ATRNL1: variants seen among roughly 807,000 people sequenced by gnomAD.
The protein encoded by ATRNL1 is attractin like 1.
Under a neutral mutation model 182.7 loss-of-function variants are expected in ATRNL1, and 95 were observed. That is an observed-to-expected ratio of 0.52 (90% CI 0.44 to 0.62). The LOEUF (loss-of-function observed/expected upper bound fraction) is 0.62, where lower values mean the gene tolerates loss of function less well. Ranked by LOEUF, ATRNL1 falls within the 20% of genes least tolerant of loss-of-function variation. The pLI is 0.00. For synonymous variants in ATRNL1, 576 were observed against 568.3 expected, an observed-to-expected ratio of 1.01 and a Z score of -0.19; for missense variants, 1,471 against 1,679.5, an observed-to-expected ratio of 0.88 and a Z score of 2.17.
At chr10:115,474,635 T>C (rs1848451306) in intron 24 of ATRNL1, among the ~76,000 whole-genome samples, 1 of 151,288 alleles carries the variant, frequency 6.6e-6, no homozygotes, top group Non-Finnish European at 1.5e-5. Context: ...GTGTTAGGAC[T>C]CTTCACTGTC....
At chr10:115,295,920 A>G (rs1853163733) in intron 15 of ATRNL1, among the ~76,000 whole-genome samples, 2 of 152,102 alleles carry the variant, frequency 1.3e-5, no homozygotes, top group Non-Finnish European at 2.9e-5. Context: ...CACTTGAGCA[A>G]GGTACACTCC....
chr10:115,373,228 A>T (rs1296708038), intron 19 of ATRNL1, among the ~76,000 whole-genome samples: 1 of 152,056 alleles, frequency 6.6e-6, no homozygotes, highest in Admixed American at 6.6e-5. Context: ...ATCCTGGAAC[A>T]TTCATGAATT....
At chr10:115,756,525 G>A (rs1948594077) in intron 27 of ATRNL1, among the ~76,000 whole-genome samples, 1 of 152,156 alleles carries the variant, frequency 6.6e-6, no homozygotes, top group Non-Finnish European at 1.5e-5. Flanking sequence ...TATGGTCTCA[G>A]AAACTGTTTG....
At chr10:115,109,444 G>A (rs1844166647) in intron 1 of ATRNL1, among the ~76,000 whole-genome samples, 1 of 152,212 alleles carries the variant, frequency 6.6e-6, no homozygotes, top group South Asian at 2.1e-4. Context: ...AGAGGGTGAA[G>A]AGAGAAAGAG....
At chr10:115,462,332 G>A (rs906456860) in intron 22 of ATRNL1, among the ~76,000 whole-genome samples, 40 of 151,994 alleles carry the variant, frequency 2.6e-4, no homozygotes, top group African/African-American at 9.7e-4. Context: ...AATAAAACTC[G>A]TTCGGGCGCA....
At chr10:115,701,768 A>G (rs543098036) in intron 26 of ATRNL1, among the ~76,000 whole-genome samples, 71 of 152,188 alleles carry the variant, frequency 4.7e-4, no homozygotes, top group Admixed American at 8.5e-4. Context: ...GAAATCCTGA[A>G]CAGACCAATA....
chr10:115,297,647 TC>T (rs1354741912), intron 15 of ATRNL1, among the ~76,000 whole-genome samples: 1 of 113,536 alleles, frequency 8.8e-6, no homozygotes, highest in East Asian at 3.3e-4. Context: ...TAAGACTCCG[TC>T]TTAAAAAAAA....
At chr10:115,156,259 A>G (rs1012758844) in intron 5 of ATRNL1, among the ~76,000 whole-genome samples, 7 of 152,100 alleles carry the variant, frequency 4.6e-5, no homozygotes, top group African/African-American at 1.7e-4. Flanking sequence ...GGTTGGTTGT[A>G]TGGGGTGCTG....
At chr10:115,874,474 C>T (rs1951655640) in intron 28 of ATRNL1, among the ~76,000 whole-genome samples, 1 of 151,990 alleles carries the variant, frequency 6.6e-6, no homozygotes, top group Non-Finnish European at 1.5e-5. Flanking sequence ...TTCTCAAGTA[C>T]TAAGCACTAT....
At chr10:115,524,268 C>G (rs1386028345) in intron 25 of ATRNL1, among the ~76,000 whole-genome samples, 1 of 152,152 alleles carries the variant, frequency 6.6e-6, no homozygotes, top group Non-Finnish European at 1.5e-5. Flanking sequence ...TTTGGAGGAT[C>G]AAATATCCAA....
chr10:115,838,947 A>G (rs1950741936), intron 27 of ATRNL1, among the ~76,000 whole-genome samples: 2 of 152,062 alleles, frequency 1.3e-5, no homozygotes, highest in Admixed American at 1.3e-4. Context: ...AAACTCTTTC[A>G]TTCATAGTTT....
chr10:115,770,297 A>T (rs141972704), intron 27 of ATRNL1, among the ~76,000 whole-genome samples: 69 of 152,248 alleles, frequency 4.5e-4, no homozygotes, highest in African/African-American at 1.3e-3. Flanking sequence ...AAATGATTCT[A>T]CTGGTAATAA....
intron 3 of ATRNL1, among the ~76,000 whole-genome samples, chr10:115,125,137 G>A (rs1322941709): frequency 5.9e-5 from 9 of 152,138 alleles, no homozygotes; most frequent in African/African-American, 1.9e-4. Flanking sequence ...TGAAGGATAC[G>A]TAGGAGTCAC....
chr10:115,493,010 C>T (rs1269211012), intron 24 of ATRNL1, among the ~76,000 whole-genome samples: 2 of 152,092 alleles, frequency 1.3e-5, no homozygotes, highest in African/African-American at 4.8e-5. Context: ...ATATGTAAAA[C>T]AACATCACTT....
At chr10:115,664,197 T>C (rs1391898134) in intron 26 of ATRNL1, among the ~76,000 whole-genome samples, 2 of 152,132 alleles carry the variant, frequency 1.3e-5, no homozygotes, top group Non-Finnish European at 1.5e-5. Context: ...TAACTCCCTA[T>C]ACCAATCTGT....
intron 26 of ATRNL1, among the ~76,000 whole-genome samples, chr10:115,592,605 A>G (rs1855978483): frequency 6.6e-6 from 1 of 152,182 alleles, no homozygotes; most frequent in South Asian, 2.1e-4. Context: ...TGGACATTTC[A>G]TGTAAGTGAA....
intron 26 of ATRNL1, among the ~76,000 whole-genome samples, chr10:115,647,282 C>T (rs1236750035): frequency 6.6e-6 from 1 of 151,784 alleles, no homozygotes; most frequent in Non-Finnish European, 1.5e-5. Flanking sequence ...GTCTTTATAG[C>T]AGCATGATTT....
intron 27 of ATRNL1, among the ~76,000 whole-genome samples, chr10:115,794,306 T>G (rs1183781838): frequency 6.6e-6 from 1 of 152,162 alleles, no homozygotes; most frequent in Non-Finnish European, 1.5e-5. Context: ...CCTAATACTT[T>G]GATGTATATC....
intron 27 of ATRNL1, among the ~76,000 whole-genome samples, chr10:115,840,722 A>G (rs1555096825): frequency 2.6e-5 from 4 of 152,132 alleles, no homozygotes; most frequent in Non-Finnish European, 5.9e-5. Context: ...AAGAGAGTAG[A>G]GCAAAGAGGT....
Sources: allele counts gnomAD v4.1 joint callset (sites outside exome capture counted in the v4.1 genomes callset), GRCh38; gene constraint gnomAD v4.1.1; transcripts MANE v1.5; gene names NCBI Gene and HGNC (gene_info 2026-07-23, HGNC 2026-07-21).